PIWIL3: variants seen among roughly 807,000 people sequenced by gnomAD.
The protein encoded by PIWIL3 is piwi-like protein 3.
A neutral mutation model predicts 109.7 loss-of-function variants in PIWIL3; 101 were observed. That is an observed-to-expected ratio of 0.92 (90% CI 0.78 to 1.09). PIWIL3 has a LOEUF of 1.09. Among genes scored for constraint, PIWIL3 ranks in the 50% least tolerant of loss-of-function variants. The probability of loss-of-function intolerance (pLI) is 0.00; values close to 1 mark genes in which losing one functional copy is unlikely to be tolerated. For synonymous variants in PIWIL3, 373 were observed against 376.4 expected (o/e 0.99, Z 0.10); for missense variants, 1,031 against 1,072.6 (o/e 0.96, Z 0.54).
Position 24,723,158 on chromosome 22 carries a change from T to C in PIWIL3, c.2329A>G (p.Ile777Val). The change falls in exon 19 of 21, where the codon ATT becomes GTT. Residue 777 changes from isoleucine (I) to valine (V), a missense_variant. Transcript: ENST00000616349. ...NFQNPPPGTVIDVELTRNEWY... is the reference protein window; with the variant it reads ...NFQNPPPGTVVDVELTRNEWY... The stretch of plus-strand genomic sequence containing the variant: ...TCATTCCTAGTCAACTCTACATCAA[T>C]AACTGTTCCTGGAGGTGGATTTTGA... 6.2e-7 allele frequency: 1 copy of C among 1,613,350 alleles called. No homozygotes were observed. The highest frequency in any genetic ancestry group is 8.5e-7 in the Non-Finnish European group (1 of 1,179,396).
chr22:24,769,848 T>A (rs1481731368), intron 1 of PIWIL3: 1 of 151,150 alleles, frequency 6.6e-6, no homozygotes, highest in Non-Finnish European at 1.5e-5. Context: ...TGATAGCTGA[T>A]GAGCTAAAAG....
rs1244326995 is a variant in PIWIL3 at position 24,757,991 on chromosome 22, T to C, written c.272A>G (p.Gln91Arg). 1.9e-6 allele frequency: 3 copies of C among 1,614,036 alleles called. No homozygotes were observed. The highest frequency in any genetic ancestry group is 4.5e-5 in the East Asian group (2 of 44,886). Reference sequence around the variant, plus strand: ...AAAAACTCCACCAATCCTTCTCTCCTGCAAGGGCGCTGTATGCAACCCAGC... The same window carrying C: ...AAAAACTCCACCAATCCTTCTCTCCCGCAAGGGCGCTGTATGCAACCCAGC... ...PEAGLHTAPL[Q>R]ERRIGGVFQD... The change falls in exon 4 of 21, where the codon CAG becomes CGG. Residue 91 changes from glutamine to arginine, a missense_variant. Physicochemically the swap from Gln to Arg is conservative, Grantham distance 43. Coordinates refer to ENST00000616349, the MANE Select transcript of PIWIL3 (RefSeq NM_001255975.1).
intron 12 of PIWIL3, among the ~76,000 whole-genome samples, chr22:24,744,300 C>CGGT (rs1372366306): frequency 6.6e-6 from 1 of 150,880 alleles, no homozygotes; most frequent in Non-Finnish European, 1.5e-5. Context: ...AGGCCAGGTG[C>CGGT]GGTGGCTCAT....
chr22:24,748,308 G>A (rs928690963), intron 12 of PIWIL3, among the ~76,000 whole-genome samples: 1 of 152,136 alleles, frequency 6.6e-6, no homozygotes, highest in African/African-American at 2.4e-5. Context: ...GGAGAATGTG[G>A]GGATGATGGT....
intron 14 of PIWIL3, 119 bp from the exon 15 acceptor site, chr22:24,728,493 G>C (rs943922578): frequency 2.6e-6 from 3 of 1,162,460 alleles, no homozygotes; most frequent in Non-Finnish European, 3.7e-6. Flanking sequence ...AATTTATTAA[G>C]AAAATATATG....
chr22:24,722,324 T>C (rs1212052153), intron 19 of PIWIL3, among the ~76,000 whole-genome samples: 2 of 152,130 alleles, frequency 1.3e-5, no homozygotes, highest in African/African-American at 2.4e-5. Context: ...CCTCGTGATC[T>C]GCCCGCCTTG....
At chr22:24,726,684 A>G (rs1024578154) in intron 16 of PIWIL3, among the ~76,000 whole-genome samples, 46 of 152,254 alleles carry the variant, frequency 3.0e-4, no homozygotes, top group African/African-American at 1.0e-3. Context: ...CATCTGTTGA[A>G]TAATTGAAAG....
At chr22:24,756,748 G>C in intron 4 of PIWIL3, 43 bp from the exon 5 acceptor site, 2 of 1,524,282 alleles carry the variant, frequency 1.3e-6, no homozygotes, top group Middle Eastern at 3.4e-4. Context: ...CAGACTGATT[G>C]GGCCCAAAAC....
At chr22:24,743,966 A>G (rs1027717133) in intron 12 of PIWIL3, among the ~76,000 whole-genome samples, 1 of 152,078 alleles carries the variant, frequency 6.6e-6, no homozygotes, top group African/African-American at 2.4e-5. Context: ...ACCTTATGGT[A>G]ACTTCAAAAA....
intron 12 of PIWIL3, among the ~76,000 whole-genome samples, chr22:24,736,480 G>A (rs1356383806): frequency 6.6e-6 from 1 of 152,146 alleles, no homozygotes; most frequent in Non-Finnish European, 1.5e-5. Flanking sequence ...CTTTTAGTGG[G>A]AACTTTATTC....
intron 12 of PIWIL3, among the ~76,000 whole-genome samples, chr22:24,745,613 G>C (rs1025159689): frequency 1.3e-5 from 2 of 148,664 alleles, no homozygotes; most frequent in East Asian, 2.0e-4. Context: ...GAAGATCATA[G>C]AGCCAAGAAA....
At chr22:24,742,973 A>G (rs997910916) in intron 12 of PIWIL3, among the ~76,000 whole-genome samples, 1 of 152,248 alleles carries the variant, frequency 6.6e-6, no homozygotes, top group Non-Finnish European at 1.5e-5. Context: ...ATGGGAGAAA[A>G]TATTCCCAAA....
In PIWIL3 at chr22:24,756,664, G is replaced by A. The variant is rs1176218314; in HGVS notation, c.397C>T (p.Arg133Ter). 8.1e-6 allele frequency: 13 copies of A among 1,614,030 alleles called. No homozygotes were observed. Among genetic ancestry groups the A allele is most frequent in the South Asian group, 2.2e-5 (2 of 91,038 alleles). The change falls in exon 5 of 21, where the codon CGA becomes TGA. Residue 133 changes from arginine to a stop codon, truncating the protein, a stop_gained. Transcript: ENST00000616349. LOFTEE classifies it high-confidence loss of function. ...TVVQLLANHF[R>*]VISRPQWVAY... ...ACCCACTGAGGACGAGATATCACTC[G>A]GAAGTGGTTGGCGAGTAGCTGTACC...
At chr22:24,768,927 C>T (rs769323570) in intron 1 of PIWIL3, among the ~76,000 whole-genome samples, 1 of 152,206 alleles carries the variant, frequency 6.6e-6, no homozygotes, top group African/African-American at 2.4e-5. Flanking sequence ...TTCCTCTTCA[C>T]CATCTGTGGA....
chr22:24,723,103 C>T, intron 19 of PIWIL3, 27 bp downstream of exon 19: 1 of 1,604,162 alleles, frequency 6.2e-7, no homozygotes, highest in South Asian at 1.1e-5. Context: ...ATCATAGAAC[C>T]ATGTGCAAAA....
In PIWIL3 at chr22:24,733,945, T is replaced by TA. The variant is rs1923500942; in HGVS notation, c.1707+138dup. ...GGAATAGCTAAACCATGAAAGTTTG[T>TA]ATTCAGCTAATAGCAGGTTAATCTG... On this transcript the variant is annotated intron_variant, in intron 14 of 20. Transcript: ENST00000616349. The TA allele has an allele frequency of 6.3e-6, 5 of 797,764 alleles. No homozygotes were observed. The South Asian group carries it at 1.5e-4, about 24-fold the overall frequency. The allele number at this position is 797,764 out of a possible 1,614,324, so 49.4% of individuals were successfully genotyped here. A position where few individuals can be genotyped will look rare whatever the true frequency, so the allele number is the denominator to read the frequency against.
chr22:24,739,063 C>T (rs1923828033), intron 12 of PIWIL3, among the ~76,000 whole-genome samples: 1 of 151,956 alleles, frequency 6.6e-6, no homozygotes, highest in Admixed American at 6.6e-5. Context: ...GGAGTTAAAA[C>T]ATGCAATTGA....
Position 24,756,658 on chromosome 22 carries a change from T to C in PIWIL3, c.403A>G (p.Ile135Val), listed in dbSNP as rs770547816. 7 of 1,614,120 alleles carry C rather than the reference T, an allele frequency of 4.3e-6. No individual in the cohort carries two copies. The highest frequency in any genetic ancestry group is 5.9e-6 in the Non-Finnish European group (7 of 1,180,002). The change falls in exon 5 of 21, where the codon ATA (isoleucine) becomes GTA (valine). Residue 135 changes from isoleucine (I) to valine (V), a missense_variant. Ile to Val is a conservative substitution (Grantham distance 29, BLOSUM62 3). Transcript: ENST00000616349. ...VQLLANHFRV[I>V]SRPQWVAYKY... The stretch of plus-strand genomic sequence containing the variant: ...TATGCAACCCACTGAGGACGAGATA[T>C]CACTCGGAAGTGGTTGGCGAGTAGC...
At chr22:24,757,515 G>A (rs575647786) in intron 4 of PIWIL3, among the ~76,000 whole-genome samples, 1 of 149,824 alleles carries the variant, frequency 6.7e-6, no homozygotes, top group Non-Finnish European at 1.5e-5. Context: ...GCCAGGTGTG[G>A]TAGCTCATTC....
Sources: allele counts gnomAD v4.1 joint callset (sites outside exome capture counted in the v4.1 genomes callset), GRCh38; gene constraint gnomAD v4.1.1; transcripts MANE v1.5; gene names NCBI Gene and HGNC (gene_info 2026-07-23, HGNC 2026-07-21).